Variants in PLEKHA1 observed in about 807,000 individuals in gnomAD.
PLEKHA1 encodes the protein pleckstrin homology domain containing A1, also known as pleckstrin homology domain-containing family A member 1.
A neutral mutation model predicts 52.0 loss-of-function variants in PLEKHA1; 34 were observed. The observed-to-expected ratio is 0.65, with a 90% CI of 0.50 to 0.87. PLEKHA1 has a LOEUF of 0.87. PLEKHA1 is among the 40% of genes least tolerant of loss of function. The pLI, the probability that PLEKHA1 is intolerant of heterozygous loss-of-function variation, is 0.00. For synonymous variants in PLEKHA1, 163 were observed against 170.7 expected (o/e 0.95, Z 0.35); for missense variants, 497 against 504.2 (o/e 0.99, Z 0.14).
rs1177008342 is a variant in PLEKHA1 at position 122,431,607 on chromosome 10, C to G, written c.*1669C>G. Reference sequence around the variant, plus strand: ...TTCTTGTCTGAGACAGAAAAATTTCCTACTACAGCAGTGCAGTCCAGAGGT... The same window carrying G: ...TTCTTGTCTGAGACAGAAAAATTTCGTACTACAGCAGTGCAGTCCAGAGGT... On this transcript the variant is annotated 3_prime_UTR_variant, in exon 12 of 12. Transcript: ENST00000368990. 1 of 152,488 alleles carries G rather than the reference C, an allele frequency of 6.6e-6. No individual in the cohort carries two copies. The highest frequency in any genetic ancestry group is 1.5e-5 in the Non-Finnish European group (1 of 68,016). The allele number at this position is 152,488 out of a possible 1,614,324, so 9.4% of individuals were successfully genotyped here.
At chr10:122,384,007 G>T (rs117811194) in intron 1 of PLEKHA1, among the ~76,000 whole-genome samples, 14 of 151,898 alleles carry the variant, frequency 9.2e-5, no homozygotes, top group Non-Finnish European at 1.9e-4. Flanking sequence ...GTAGTCTCTC[G>T]TGTTGTTCTG....
At chr10:122,387,607 G>A (rs1565141271) in intron 1 of PLEKHA1, 1 of 152,192 alleles carries the variant, frequency 6.6e-6, no homozygotes, top group Non-Finnish European at 1.5e-5. Context: ...TCTCTGGGTT[G>A]AAGGAGCTCA....
intron 4 of PLEKHA1, among the ~76,000 whole-genome samples, chr10:122,402,242 A>G (rs897178615): frequency 6.6e-6 from 1 of 152,234 alleles, no homozygotes; most frequent in Non-Finnish European, 1.5e-5. Context: ...GTTGGAATCA[A>G]AAACTAAGAT....
downstream of PLEKHA1, chr10:122,432,824 G>C (rs1289250907): frequency 6.6e-6 from 1 of 152,168 alleles, no homozygotes; most frequent in Admixed American, 6.5e-5. Flanking sequence ...TTCCACGTCT[G>C]TTGCGGTGAA....
Position 122,412,900 on chromosome 10 carries a change from C to G in PLEKHA1, c.343-20C>G. On this transcript the variant is annotated intron_variant, in intron 5 of 11. Transcript: ENST00000368990. ...GTATAATGCTGGTTGCAAAATGATT[C>G]ATTTTATTTACTATTTCAGGTACCA... The G allele has an allele frequency of 6.2e-7, 1 of 1,611,090 alleles. No homozygotes were observed. Among genetic ancestry groups the G allele is most frequent in the Non-Finnish European group, 8.5e-7 (1 of 1,178,340 alleles).
chr10:122,377,772 GA>G (rs1046430614), intron 1 of PLEKHA1, among the ~76,000 whole-genome samples: 3 of 152,124 alleles, frequency 2.0e-5, no homozygotes, highest in Non-Finnish European at 4.4e-5. Context: ...GTGAGTTTGT[GA>G]TTCCTAGAAG....
chr10:122,420,441 A>C (rs1278906806), intron 8 of PLEKHA1: 1 of 152,166 alleles, frequency 6.6e-6, no homozygotes, highest in East Asian at 1.9e-4. Flanking sequence ...AATTGTTAAC[A>C]CATGGCTCAG....
Position 122,383,616 on chromosome 10 carries a change from C to T in PLEKHA1, c.-21+8810C>T, listed in dbSNP as rs189321827. ...ACAATTGTGAGCCATCATGCCTGGC[C>T]CCAGATAAATAACATTTATTTTATA... On this transcript the variant is annotated intron_variant, in intron 1 of 11. Transcript: ENST00000368990. Among the ~76,000 whole-genome samples, 3 of 151,918 alleles carry T rather than the reference C, an allele frequency of 2.0e-5. No homozygotes were observed. The East Asian group carries it at 5.8e-4, about 29-fold the overall frequency.
chr10:122,411,869 TTGTC>T (rs1490817452), intron 5 of PLEKHA1: 1 of 152,226 alleles, frequency 6.6e-6, no homozygotes, highest in Non-Finnish European at 1.5e-5. Context: ...ACTTCAGTGA[TTGTC>T]AGTAGTATTT....
Position 122,429,929 on chromosome 10 carries a change from T to A in PLEKHA1, c.1206T>A (p.Ser402Arg). ...VDLDDASLPV[S>R]DV ...TGGACGATGCGAGCCTTCCGGTCAGTGACGTGTGAGGCAGAAGCGCACGGA... is the reference window on the plus strand; with the variant it reads ...TGGACGATGCGAGCCTTCCGGTCAGAGACGTGTGAGGCAGAAGCGCACGGA... Residue 402 changes from serine to arginine, a missense_variant, in exon 12 of 12, where the codon AGT becomes AGA. Transcript: ENST00000368990. 6.2e-7 allele frequency: 1 copy of A among 1,611,952 alleles called. No homozygotes were observed. Among genetic ancestry groups the A allele is most frequent in the Non-Finnish European group, 8.5e-7 (1 of 1,178,674 alleles).
rs561510745 is a variant in PLEKHA1, at chr10:122,381,010, C to A, written c.-21+6204C>A. Among the ~76,000 whole-genome samples, 6 of 152,264 alleles carry A rather than the reference C, an allele frequency of 3.9e-5. No individual in the cohort carries two copies. In the East Asian group the frequency reaches 1.2e-3, roughly 29 times the overall value. The stretch of plus-strand genomic sequence containing the variant: ...TGAGCAAGTGCCTTATTAGTTTTCT[C>A]ATCTGTAAAATTGTTATAAGGATTA... On this transcript the variant is annotated intron_variant, in intron 1 of 11. Transcript: ENST00000368990.
At chr10:122,414,920 T>G (rs2097152522) in intron 6 of PLEKHA1, among the ~76,000 whole-genome samples, 1 of 152,076 alleles carries the variant, frequency 6.6e-6, no homozygotes, top group Non-Finnish European at 1.5e-5. Context: ...AAAGTAAGCT[T>G]GTGATTACTG....
intron 1 of PLEKHA1, among the ~76,000 whole-genome samples, chr10:122,376,501 GATATAT>G (rs56781870): frequency 0.028 from 4,146 of 146,728 alleles, 78 homozygotes; most frequent in African/African-American, 0.053. Context: ...ACATTAAGAA[GATATAT>G]ATATATATAT....
At chr10:122,441,874 T>TA in the PLEKHA1 span, 1 of 152,212 alleles carries the variant, frequency 6.6e-6, no homozygotes, top group Admixed American at 6.5e-5. Flanking sequence ...CAACTAACCA[T>TA]ATCACCTTTT....
At chr10:122,374,837 C>G (rs2096496810) in intron 1 of PLEKHA1, 31 bp downstream of exon 1, 1 of 152,548 alleles carries the variant, frequency 6.6e-6, no homozygotes, top group Admixed American at 6.6e-5. Context: ...CGCGGCCGCG[C>G]TGGAGCAGGG....
At chr10:122,375,489 A>G (rs1486417224) in intron 1 of PLEKHA1, among the ~76,000 whole-genome samples, 1 of 119,708 alleles carries the variant, frequency 8.4e-6, no homozygotes, top group Non-Finnish European at 2.1e-5. Flanking sequence ...GGAGGCGACC[A>G]GACCCAGGTC....
the PLEKHA1 span, chr10:122,437,726 A>C: frequency 6.6e-6 from 1 of 152,360 alleles, no homozygotes; most frequent in South Asian, 2.1e-4. Flanking sequence ...AAGTGAAGAA[A>C]ATGAAGTGAG....
rs1428619250 is a variant in PLEKHA1, at chr10:122,397,293, G to GCTCT, written c.142-625_142-624insCTCT. Among the ~76,000 whole-genome samples the GCTCT allele has an allele frequency of 4.6e-5, 7 of 152,150 alleles. No homozygotes were observed. The East Asian group carries it at 1.4e-3, about 29-fold the overall frequency. ...CAACCAGAGATGATTCTCCCTCTAT[G>GCTCT]TTTACCTTTAGCTCTTTTGATGCAA... On this transcript the variant is annotated intron_variant, in intron 2 of 11. Coordinates refer to ENST00000368990, the MANE Select transcript of PLEKHA1 (RefSeq NM_001001974.4).
chr10:122,407,621 C>T (rs1009943421), intron 5 of PLEKHA1, among the ~76,000 whole-genome samples: 2 of 152,310 alleles, frequency 1.3e-5, no homozygotes, highest in East Asian at 3.9e-4. Context: ...ATGAGCAGCA[C>T]GTAGATAGGC....
Sources: gnomAD v4.1 joint callset for allele counts (sites outside exome capture counted in the v4.1 genomes callset) on GRCh38, gnomAD v4.1.1 for gene constraint, MANE v1.5 for transcripts, NCBI Gene and HGNC (gene_info 2026-07-23, HGNC 2026-07-21) for gene names.